PCDHGA1: variants seen among roughly 807,000 people sequenced by gnomAD.
PCDHGA1 encodes the protein protocadherin gamma-A1.
A neutral mutation model predicts 58.0 loss-of-function variants in PCDHGA1; 32 were observed. The ratio of observed to expected loss-of-function variants is 0.55; its 90% CI spans 0.42 to 0.74. The LOEUF is 0.74. Ranked by LOEUF, PCDHGA1 falls within the 30% of genes least tolerant of loss-of-function variation. PCDHGA1 has a pLI of 0.00. For synonymous variants in PCDHGA1, 498 were observed against 501.1 expected, an observed-to-expected ratio of 0.99 and a Z score of 0.08; for missense variants, 1,205 against 1,182.3, an observed-to-expected ratio of 1.02 and a Z score of -0.28.
intron 1 of PCDHGA1, among the ~76,000 whole-genome samples, chr5:141,460,703 G>A (rs1009662968): frequency 6.6e-6 from 1 of 151,534 alleles, no homozygotes; most frequent in Non-Finnish European, 1.5e-5. Flanking sequence ...AGTTGAATGA[G>A]AATAAACTAT....
In PCDHGA1 at chr5:141,486,049, C is replaced by T. The variant is rs766853468; in HGVS notation, c.2422-8758C>T. 1 of 1,614,206 alleles carries T rather than the reference C, an allele frequency of 6.2e-7. No homozygotes were observed. The highest frequency in any genetic ancestry group is 8.5e-7 in the Non-Finnish European group (1 of 1,180,034). ...ATACCCCTGATCGTGTAAGAAACCT[C>T]TTTAGCCTGCACCCCACTACTGGAA... On this transcript the variant is annotated intron_variant, in intron 1 of 3. Transcript: ENST00000517417. The surrounding 1 kb of genome is among the most constrained non-coding windows in gnomAD (Gnocchi z 5.0).
At chr5:141,365,584 T>C (rs778067515) in intron 1 of PCDHGA1, 1 of 1,613,724 alleles carries the variant, frequency 6.2e-7, no homozygotes. Context: ...CTTCAGATTA[T>C]AATATCACTT....
At position 141,432,587 on chromosome 5, in the gene PCDHGA1, A is replaced by G. The variant is rs1344597432; in HGVS notation, c.2422-62220A>G. 5 of 1,613,132 alleles carry G rather than the reference A, an allele frequency of 3.1e-6. No homozygotes were observed. In the East Asian group the frequency reaches 8.9e-5, roughly 29 times the overall value. ...CGCCTGGCTGTCCTACCGTCTGCTC[A>G]AGGCCAGCGAGCCGGGACTCTTCTC... On this transcript the variant is annotated intron_variant, in intron 1 of 3. Transcript: ENST00000517417. This position sits in a 1 kb window ranked among gnomAD's most constrained non-coding sequence, Gnocchi z 6.0.
intron 1 of PCDHGA1, chr5:141,340,396 G>A (rs147569184): frequency 5.6e-6 from 9 of 1,613,990 alleles, no homozygotes; most frequent in African/African-American, 5.3e-5. Flanking sequence ...TCTCAGTGAC[G>A]GCCCATGACC....
chr5:141,492,919 C>A (rs1019663003), intron 1 of PCDHGA1, among the ~76,000 whole-genome samples: 1 of 152,192 alleles, frequency 6.6e-6, no homozygotes, highest in Non-Finnish European at 1.5e-5. Context: ...ATGTGCCCAG[C>A]GATCTAGGGT....
intron 1 of PCDHGA1, chr5:141,422,532 A>G (rs752364905): frequency 6.2e-7 from 1 of 1,614,030 alleles, no homozygotes; most frequent in South Asian, 1.1e-5. Flanking sequence ...CTTTGTCTGC[A>G]GAAACTCATG....
intron 1 of PCDHGA1, chr5:141,340,297 G>C: frequency 6.2e-7 from 1 of 1,614,118 alleles, no homozygotes; most frequent in Non-Finnish European, 8.5e-7. Flanking sequence ...TGCTCCAGGT[G>C]GCAGACATCA....
chr5:141,349,468 A>C (rs1457448443), intron 1 of PCDHGA1, among the ~76,000 whole-genome samples: 1 of 152,214 alleles, frequency 6.6e-6, no homozygotes, highest in Admixed American at 6.5e-5. Context: ...GTGTACCCCA[A>C]CACTAAATTG....
Position 141,454,796 on chromosome 5 carries a change from A to ATTTTTTTTTTTTT in PCDHGA1, c.2422-39994_2422-39982dup, listed in dbSNP as rs61612330. On this transcript the variant is annotated intron_variant, in intron 1 of 3. Coordinates refer to ENST00000517417, the MANE Select transcript of PCDHGA1 (RefSeq NM_018912.3). ...AAGGAAATAATCCTCCATGGTTCTAATTTTTTTTTTTTTTTTTTTTTTTTT... is the reference window on the plus strand; with the variant it reads ...AAGGAAATAATCCTCCATGGTTCTAATTTTTTTTTTTTTTTTTTTTTTTTTTTTTTTTTTTTTT... Among the ~76,000 whole-genome samples the ATTTTTTTTTTTTT allele has an allele frequency of 1.7e-3, 135 of 77,462 alleles. 8 individuals carry two copies. The highest frequency in any genetic ancestry group is 2.5e-3 in the Admixed American group (14 of 5,554). The allele number at this position is 77,462 out of a possible 152,430, so 50.8% of individuals were successfully genotyped here.
In PCDHGA1 at chr5:141,395,765, C is replaced by T. The variant is rs143173330; in HGVS notation, c.2421+62660C>T. The T allele has an allele frequency of 7.5e-4, 114 of 152,628 alleles. No homozygotes were observed. The Middle Eastern group carries it at 0.03, about 41-fold the overall frequency. 9.5% of individuals were successfully genotyped at this position (152,628 alleles called of 1,614,324 possible). Reference sequence around the variant, plus strand: ...TCTTTTCTGAGCCCTGTTTCTGTACCAGTGCCCTTCAAAACTTTAATACTT... The same window carrying T: ...TCTTTTCTGAGCCCTGTTTCTGTACTAGTGCCCTTCAAAACTTTAATACTT... On this transcript the variant is annotated intron_variant, in intron 1 of 3. Coordinates refer to ENST00000517417, the MANE Select transcript of PCDHGA1 (RefSeq NM_018912.3).
intron 1 of PCDHGA1, among the ~76,000 whole-genome samples, chr5:141,449,205 A>G (rs991001366): frequency 6.6e-6 from 1 of 152,164 alleles, no homozygotes; most frequent in Admixed American, 6.5e-5. Context: ...GTTAATTCTA[A>G]CTTTCTGTTT....
intron 1 of PCDHGA1, among the ~76,000 whole-genome samples, chr5:141,479,996 G>A (rs759188600): frequency 7.2e-5 from 11 of 152,244 alleles, no homozygotes; most frequent in Middle Eastern, 3.2e-3. Context: ...CTAGGAGTCT[G>A]TGGCCAAGTT....
chr5:141,385,604 C>T, intron 1 of PCDHGA1: 1 of 1,188,174 alleles, frequency 8.4e-7, no homozygotes, highest in Non-Finnish European at 1.1e-6. Flanking sequence ...TTTCTTAACT[C>T]ATATATTTTA....
Position 141,414,407 on chromosome 5 carries a change from A to T in PCDHGA1, c.2422-80400A>T, listed in dbSNP as rs181582338. On this transcript the variant is annotated intron_variant, in intron 1 of 3. Transcript: ENST00000517417. ...GACAGTTATTACAGATTGGTGATACACAGAGCCCTTGACAGGGAACAGGTA... is the reference window on the plus strand; with the variant it reads ...GACAGTTATTACAGATTGGTGATACTCAGAGCCCTTGACAGGGAACAGGTA... 96 of 1,613,912 alleles carry T rather than the reference A, an allele frequency of 5.9e-5. No individual in the cohort carries two copies. In the East Asian group the frequency reaches 1.5e-3, roughly 25 times the overall value.
At chr5:141,344,772 T>A in intron 1 of PCDHGA1, 1 of 1,614,014 alleles carries the variant, frequency 6.2e-7, no homozygotes, top group Non-Finnish European at 8.5e-7. Context: ...TCAGCCTGAG[T>A]ACCGTGTGAG....
chr5:141,356,437 G>A, intron 1 of PCDHGA1: 1 of 1,611,386 alleles, frequency 6.2e-7, no homozygotes, highest in Non-Finnish European at 8.5e-7. Flanking sequence ...ACTGGACAGG[G>A]AAGAAGTCTC....
At chr5:141,335,694 C>T (rs1756578862) in intron 1 of PCDHGA1, among the ~76,000 whole-genome samples, 1 of 152,078 alleles carries the variant, frequency 6.6e-6, no homozygotes, top group Non-Finnish European at 1.5e-5. Context: ...AACAAGCAGA[C>T]AATCTACAAG....
chr5:141,359,031 G>A (rs1460907999), intron 1 of PCDHGA1, among the ~76,000 whole-genome samples: 1 of 152,244 alleles, frequency 6.6e-6, no homozygotes, highest in Non-Finnish European at 1.5e-5. Flanking sequence ...ACTGGAAGTT[G>A]TAGTGATAGA....
chr5:141,405,494 A>G, intron 1 of PCDHGA1: 1 of 840,532 alleles, frequency 1.2e-6, no homozygotes, highest in Non-Finnish European at 1.8e-6. Context: ...ATCTCGGCTC[A>G]TTGCAACCTC....
Sources: gnomAD v4.1 joint callset for allele counts (sites outside exome capture counted in the v4.1 genomes callset) on GRCh38, gnomAD v4.1.1 for gene constraint, Gnocchi (gnomAD v3.1) non-coding constraint, MANE v1.5 for transcripts, NCBI Gene and HGNC (gene_info 2026-07-23, HGNC 2026-07-21) for gene names.